JAK2: variants seen among roughly 807,000 people sequenced by gnomAD.
JAK2 encodes the protein Janus kinase 2.
Under a neutral mutation model 139.3 loss-of-function variants are expected in JAK2, and 86 were observed. That is an observed-to-expected ratio of 0.62 (90% CI 0.52 to 0.74). The LOEUF (loss-of-function observed/expected upper bound fraction) is 0.74. Among genes scored for constraint, JAK2 ranks in the 30% least tolerant of loss-of-function variants. JAK2 has a pLI of 0.00. For missense variants in JAK2, 1,421 were observed against 1,360.3 expected (o/e 1.04, Z -0.70); for synonymous variants, 490 against 437.7 (o/e 1.12, Z -1.49).
At position 5,074,006 on chromosome 9, in the gene JAK2, T is replaced by C. The variant is rs572163241; in HGVS notation, c.1864+221T>C. On this transcript the variant is annotated intron_variant, in intron 14 of 24. Transcript: ENST00000381652. ...GTAGAAGGTTACAATGCCCAAACAA[T>C]AGAGTATTATAGTAAACAAATGTCT... Among the ~76,000 whole-genome samples the C allele has an allele frequency of 4.0e-4, 61 of 152,238 alleles. 1 individual carries two copies. The highest frequency in any genetic ancestry group is 3.4e-3 in the Middle Eastern group (1 of 294).
intron 20 of JAK2, among the ~76,000 whole-genome samples, chr9:5,090,149 C>G (rs1415345168): frequency 6.6e-6 from 1 of 152,042 alleles, no homozygotes; most frequent in Non-Finnish European, 1.5e-5. Context: ...TTTTTGAATT[C>G]AATGTTTTTT....
At chr9:5,073,106 C>T (rs763641382) in intron 13 of JAK2, among the ~76,000 whole-genome samples, 1 of 152,170 alleles carries the variant, frequency 6.6e-6, no homozygotes, top group Non-Finnish European at 1.5e-5. Flanking sequence ...ATGATACTTA[C>T]AATATCTTAA....
At chr9:5,085,017 A>G (rs545776761) in intron 19 of JAK2, 8 of 844,802 alleles carry the variant, frequency 9.5e-6, no homozygotes, top group East Asian at 7.5e-5. Flanking sequence ...TGTGAGTACA[A>G]TTTCTGAAAG....
intron 22 of JAK2, among the ~76,000 whole-genome samples, chr9:5,121,918 C>T (rs568385433): frequency 1.3e-5 from 2 of 152,248 alleles, no homozygotes; most frequent in African/African-American, 4.8e-5. Context: ...ATAGTGCTGT[C>T]TTCAAGAACT....
intron 3 of JAK2, among the ~76,000 whole-genome samples, chr9:5,027,631 G>A (rs1305654289): frequency 1.3e-5 from 2 of 152,156 alleles, no homozygotes; most frequent in Non-Finnish European, 1.5e-5. Context: ...CATTTTACCC[G>A]CAGTAGAACT....
At chr9:5,087,510 A>G (rs1820224671) in intron 19 of JAK2, among the ~76,000 whole-genome samples, 2 of 127,962 alleles carry the variant, frequency 1.6e-5, no homozygotes, top group African/African-American at 7.1e-5. Context: ...TCCTATCTCA[A>G]ACCCTTCTGG....
At chr9:5,091,461 T>G (rs1001928770) in intron 22 of JAK2, 1 of 151,806 alleles carries the variant, frequency 6.6e-6, no homozygotes, top group African/African-American at 2.4e-5. Flanking sequence ...GCATAGGGAG[T>G]TGATTTAATT....
In JAK2 at chr9:5,129,687, T is replaced by C. The variant is rs1824217636; in HGVS notation, c.*2896T>C. 6.6e-6 allele frequency among the ~76,000 whole-genome samples: 1 copy of C among 152,146 alleles called. No homozygotes were observed. On this transcript the variant is annotated 3_prime_UTR_variant, in exon 25 of 25. Transcript: ENST00000381652. ...ATACTGTGTGTTTACTCTCAGATTTTAGTTGGTTGGATTTAATATCAAGAT... is the reference window on the plus strand; with the variant it reads ...ATACTGTGTGTTTACTCTCAGATTTCAGTTGGTTGGATTTAATATCAAGAT...
At chr9:5,061,898 T>C (rs1303669431) in intron 8 of JAK2, among the ~76,000 whole-genome samples, 4 of 152,190 alleles carry the variant, frequency 2.6e-5, no homozygotes, top group Admixed American at 1.3e-4. Context: ...TCAGTGGTCA[T>C]TGTAGGATTA....
At position 5,126,829 on chromosome 9, in the gene JAK2, C is replaced by G. The variant is rs1470954186; in HGVS notation, c.*38C>G. 1 of 1,291,084 alleles carries G rather than the reference C, an allele frequency of 7.7e-7. No individual in the cohort carries two copies. Among genetic ancestry groups the G allele is most frequent in the Admixed American group, 1.8e-5 (1 of 54,576 alleles). The allele number at this position is 1,291,084 out of a possible 1,614,324, so 80.0% of individuals were successfully genotyped here. A position where few individuals can be genotyped will look rare whatever the true frequency, so the allele number is the denominator to read the frequency against. ...TCATTCTGAGACCAAAGTAGATTTA[C>G]AGAACAAAGTTTTATATTTCACATT... On this transcript the variant is annotated 3_prime_UTR_variant, in exon 25 of 25. Transcript: ENST00000381652.
At position 5,002,392 on chromosome 9, in the gene JAK2, C is replaced by T. The variant is rs1183325833; in HGVS notation, c.-26+16370C>T. Reference sequence around the variant, plus strand: ...TTCCCTTTTAATTTCTTCTTCGAACCTGGGATTATTTAGAACTATGTTAAT... The same window carrying T: ...TTCCCTTTTAATTTCTTCTTCGAACTTGGGATTATTTAGAACTATGTTAAT... On this transcript the variant is annotated intron_variant, in intron 2 of 24. Transcript: ENST00000381652. Among the ~76,000 whole-genome samples the T allele has an allele frequency of 3.3e-5, 5 of 151,854 alleles. No individual in the cohort carries two copies. In the East Asian group the frequency reaches 5.8e-4, roughly 18 times the overall value.
chr9:5,126,562 C>A, intron 24 of JAK2, 116 bp downstream of exon 24: 1 of 928,210 alleles, frequency 1.1e-6, no homozygotes, highest in South Asian at 1.6e-5. Flanking sequence ...ACAGCATAAT[C>A]AGATGACTGT....
In JAK2 at chr9:5,121,198, T is replaced by A. The variant is rs74898935; in HGVS notation, c.3060-1806T>A. Among the ~76,000 whole-genome samples, 743 of 152,264 alleles carry A rather than the reference T, an allele frequency of 4.9e-3. 5 individuals are homozygous for A. Among genetic ancestry groups the A allele is most frequent in the African/African-American group, 0.016 (668 of 41,568 alleles). On this transcript the variant is annotated intron_variant, in intron 22 of 24. Transcript: ENST00000381652. ...CAAAGATAGAAGGAAAACAATTTTA[T>A]GATTGAGTAAGCATTAGAGCAGGAT...
chr9:5,074,078 C>T lies in JAK2; in HGVS notation c.1864+293C>T, dbSNP rs978887763. Among the ~76,000 whole-genome samples the T allele has an allele frequency of 4.6e-5, 7 of 152,052 alleles. No individual in the cohort carries two copies. In the South Asian group the frequency reaches 1.5e-3, roughly 32 times the overall value. On this transcript the variant is annotated intron_variant, in intron 14 of 24. Coordinates refer to ENST00000381652, the MANE Select transcript of JAK2 (RefSeq NM_004972.4). ...ATAGCAAAAGAGATTATGGCAGGTT[C>T]AACATAACATTGGAATAACTGGCCT... is the stretch of plus-strand genomic sequence containing the variant.
chr9:5,100,051 G>C (rs1821348574), intron 22 of JAK2: 1 of 152,174 alleles, frequency 6.6e-6, no homozygotes, highest in African/African-American at 2.4e-5. Flanking sequence ...CAACATTATA[G>C]TCAGTCATCT....
chr9:5,115,680 G>T (rs907671487), intron 22 of JAK2, among the ~76,000 whole-genome samples: 1 of 152,202 alleles, frequency 6.6e-6, no homozygotes, highest in Non-Finnish European at 1.5e-5. Context: ...ATCAATGATA[G>T]ACTGGATAAA....
intron 22 of JAK2, among the ~76,000 whole-genome samples, chr9:5,103,191 T>C (rs949943270): frequency 1.1e-4 from 9 of 81,648 alleles, no homozygotes; most frequent in Non-Finnish European, 2.0e-4. Context: ...AATAAAGGGA[T>C]GGAGGAAGAT....
In JAK2 at chr9:5,128,013, G is replaced by A. The variant is rs1331157636; in HGVS notation, c.*1222G>A. On this transcript the variant is annotated 3_prime_UTR_variant, in exon 25 of 25. Transcript: ENST00000381652. ...TTCAATTAAGTATAAGGGGTTGTTC[G>A]TTGTTGTCATTTGTTATAGTGCTAC... 2 of 231,390 alleles carry A rather than the reference G, an allele frequency of 8.6e-6. No homozygotes were observed. The highest frequency in any genetic ancestry group is 1.8e-4 in the South Asian group (1 of 5,498). The allele number at this position is 231,390 out of a possible 1,614,324, so 14.3% of individuals were successfully genotyped here.
chr9:5,123,682 G>C (rs1823781899), intron 23 of JAK2, among the ~76,000 whole-genome samples: 1 of 151,848 alleles, frequency 6.6e-6, no homozygotes, highest in African/African-American at 2.4e-5. Flanking sequence ...TGGGAATGCT[G>C]GATCGAATGG....
Sources: allele counts gnomAD v4.1 joint callset (sites outside exome capture counted in the v4.1 genomes callset), GRCh38; gene constraint gnomAD v4.1.1; transcripts MANE v1.5; gene names NCBI Gene and HGNC (gene_info 2026-07-23, HGNC 2026-07-21).